The following SNRNP200 variants were observed in gnomAD, a reference collection of about 807,000 sequenced individuals.
SNRNP200 encodes the protein U5 small nuclear ribonucleoprotein 200 kDa helicase.
SNRNP200 carries 66 observed loss-of-function variants against 255.2 expected under a neutral mutation model. The ratio of observed to expected loss-of-function variants is 0.26; its 90% confidence interval spans 0.21 to 0.32. The LOEUF (loss-of-function observed/expected upper bound fraction) is 0.32. Among genes scored for constraint, SNRNP200 ranks in the 10% least tolerant of loss-of-function variants. The probability of loss-of-function intolerance (pLI) is 1.00; values close to 1 mark genes in which losing one functional copy is unlikely to be tolerated. For missense variants in SNRNP200, 1,585 were observed against 2,749.8 expected (o/e 0.58, Z 9.47); for synonymous variants, 939 against 1,027.8 (o/e 0.91, Z 1.65).
rs1476001782 is a variant in SNRNP200 at position 96,290,768 on chromosome 2, T to C, written c.2469A>G (p.Ala823=). Residue 823 remains alanine (A), a synonymous_variant, in exon 19 of 45, where the codon GCA becomes GCG. Coordinates refer to ENST00000323853, the MANE Select transcript of SNRNP200 (RefSeq NM_014014.5). The surrounding 1 kb of genome is among the most constrained non-coding windows in gnomAD (Gnocchi z 4.5). ...GGGTGCCTTTGATGATGACTGTATG[T>C]GCAGGGAGATTCACACCCCAAGCTA... ...ATLAWGVNLP[A]HTVIIKGTQV... The C allele has an allele frequency of 1.2e-6, 2 of 1,614,062 alleles. No individual in the cohort carries two copies. Among genetic ancestry groups the C allele is most frequent in the Non-Finnish European group, 1.7e-6 (2 of 1,180,040 alleles).
At chr2:96,302,714 G>A (rs749792967) in intron 3 of SNRNP200, among the ~76,000 whole-genome samples, 6 of 152,254 alleles carry the variant, frequency 3.9e-5, no homozygotes, top group Admixed American at 1.3e-4. Context: ...GCTATAAATC[G>A]AGGTTTCCAC....
In SNRNP200 at chr2:96,305,375, C is replaced by T. The variant is rs2063981367; in HGVS notation, c.45+18G>A. 3.1e-6 allele frequency: 5 copies of T among 1,614,028 alleles called. No individual in the cohort carries two copies. The highest frequency in any genetic ancestry group is 3.4e-6 in the Non-Finnish European group (4 of 1,180,032). ...TTGGACTCCTGAGCCTGGAATCCTTCCCCAAGACCAAACGCACCGCCTTGT... is the reference window on the plus strand; with the variant it reads ...TTGGACTCCTGAGCCTGGAATCCTTTCCCAAGACCAAACGCACCGCCTTGT... On this transcript the variant is annotated intron_variant, in intron 1 of 44. Transcript: ENST00000323853.
Position 96,305,456 on chromosome 2 carries a change from G to T in SNRNP200, c.-19C>A, listed in dbSNP as rs1357855576. 6.2e-7 allele frequency: 1 copy of T among 1,613,862 alleles called. No homozygotes were observed. The highest frequency in any genetic ancestry group is 8.5e-7 in the Non-Finnish European group (1 of 1,180,038). Reference sequence around the variant, plus strand: ...CCGCCATGGCCGCGGCTGCTCGGAGGCTTCAGACCACCACGCCTCCCTACC... The same window carrying T: ...CCGCCATGGCCGCGGCTGCTCGGAGTCTTCAGACCACCACGCCTCCCTACC... On this transcript the variant is annotated 5_prime_UTR_variant, in exon 1 of 45. Transcript: ENST00000323853.
chr2:96,297,073 A>G lies in SNRNP200; in HGVS notation c.1378-3T>C, dbSNP rs543102102. The G allele has an allele frequency of 5.6e-6, 9 of 1,614,200 alleles. No homozygotes were observed. Among genetic ancestry groups the G allele is most frequent in the African/African-American group, 1.3e-5 (1 of 75,052 alleles). ...AGCTTTTCCACTGGAAGCAGTTGCT[A>G]GAAGAAAAGAAGTGCCATCAATATC... On this transcript the variant is annotated splice_polypyrimidine_tract_variant and splice_region_variant and intron_variant, in intron 11 of 44. Transcript: ENST00000323853.
chr2:96,301,604 T>A lies in SNRNP200; in HGVS notation c.494A>T (p.Asp165Val). 2 of 1,614,196 alleles carry A rather than the reference T, an allele frequency of 1.2e-6. No homozygotes were observed. Among genetic ancestry groups the A allele is most frequent in the Non-Finnish European group, 1.7e-6 (2 of 1,180,044 alleles). The change falls in exon 4 of 45, where the codon GAT becomes GTT. Residue 165 changes from aspartate (D) to valine (V), a missense_variant. Asp to Val is a radical substitution (Grantham distance 152). Transcript: ENST00000323853. ...CACTAGCACATGGTATCTGGTATCA[T>A]CTGTTTGACCCAGCAGCAGGTCAAT... is the stretch of plus-strand genomic sequence containing the variant. The part of the protein sequence containing the change: ...KEIDLLLGQT[D>V]DTRYHVLVNL...
chr2:96,281,544 C>A, intron 35 of SNRNP200: 1 of 436,948 alleles, frequency 2.3e-6, no homozygotes, highest in South Asian at 2.0e-5. Context: ...TACAAGATGT[C>A]TGAGATTAAT....
intron 15 of SNRNP200, 32 bp downstream of exon 15, chr2:96,293,284 T>C (rs1400796560): frequency 2.5e-6 from 4 of 1,607,550 alleles, no homozygotes; most frequent in Non-Finnish European, 3.4e-6. Context: ...GATGGTCACC[T>C]TGGCAGAACT....
In SNRNP200 at chr2:96,275,296, G is replaced by A; in HGVS notation, c.6228C>T (p.Leu2076=). 1 of 1,614,114 alleles carries A rather than the reference G, an allele frequency of 6.2e-7. No individual in the cohort carries two copies. The highest frequency in any genetic ancestry group is 8.5e-7 in the Non-Finnish European group (1 of 1,180,032). Residue 2076 remains leucine (L), a synonymous_variant, in exon 44 of 45, where the codon CTC becomes CTT. Coordinates refer to ENST00000323853, the MANE Select transcript of SNRNP200 (RefSeq NM_014014.5). ...GCAAGGTCAGCCTCTTGATGGAGATGAGGCTATTGGACTTGGCATCTCCAA... is the reference window on the plus strand; with the variant it reads ...GCAAGGTCAGCCTCTTGATGGAGATAAGGCTATTGGACTTGGCATCTCCAA... ...VVIGDAKSNS[L]ISIKRLTLQQ... is the part of the protein sequence containing the mutation.
Position 96,295,575 on chromosome 2 carries a change from G to T in SNRNP200, c.1755C>A (p.Ile585=). ...CCCACTTCTCGGGGGTGCAGACGAT[G>T]ATCTGAGTGGCACTGATCTCTTCTT... ...LCKEEISATQ[I]IVCTPEKWDI... is the part of the protein sequence containing the mutation. The change falls in exon 14 of 45, where the codon ATC becomes ATA. Residue 585 remains isoleucine, a synonymous_variant. Coordinates refer to ENST00000323853, the MANE Select transcript of SNRNP200 (RefSeq NM_014014.5). The T allele has an allele frequency of 1.9e-6, 3 of 1,613,950 alleles. No homozygotes were observed. Among genetic ancestry groups the T allele is most frequent in the East Asian group, 2.2e-5 (1 of 44,860 alleles).
Position 96,291,904 on chromosome 2 carries a change from A to G in SNRNP200, c.2161-4T>C, listed in dbSNP as rs1302627833. On this transcript the variant is annotated splice_region_variant and splice_polypyrimidine_tract_variant and intron_variant, in intron 16 of 44. Coordinates refer to ENST00000323853, the MANE Select transcript of SNRNP200 (RefSeq NM_014014.5). The surrounding 1 kb of genome is among the most constrained non-coding windows in gnomAD (Gnocchi z 4.2). Reference sequence around the variant, plus strand: ...GGGAGTGGACAAACACCAGCACCTAAGGAGAAGCCACAGTTTGCTACAGTC... The same window carrying G: ...GGGAGTGGACAAACACCAGCACCTAGGGAGAAGCCACAGTTTGCTACAGTC... 12 of 1,613,738 alleles carry G rather than the reference A, an allele frequency of 7.4e-6. No homozygotes were observed. Among genetic ancestry groups the G allele is most frequent in the Non-Finnish European group, 1.0e-5 (12 of 1,180,034 alleles).
intron 2 of SNRNP200, among the ~76,000 whole-genome samples, chr2:96,303,661 A>G (rs1320352804): frequency 2.0e-5 from 3 of 152,194 alleles, no homozygotes; most frequent in African/African-American, 4.8e-5. Context: ...AGGCCAAGGC[A>G]GGCGGATCAC....
In SNRNP200 at chr2:96,287,504, A is replaced by G; in HGVS notation, c.3419T>C (p.Val1140Ala). ...GAAATTCTTCTTCTCAATCTTCTTCACTACTTCCTCAGGGAGTTTCCGGAA... is the reference window on the plus strand; with the variant it reads ...GAAATTCTTCTTCTCAATCTTCTTCGCTACTTCCTCAGGGAGTTTCCGGAA... ...RQFRKLPEEV[V>A]KKIEKKNFPF... Residue 1140 changes from valine to alanine, a missense_variant, in exon 26 of 45, where the codon GTG becomes GCG. Physicochemically the swap from Val to Ala is moderately conservative, Grantham distance 64. Transcript: ENST00000323853. This position sits in a 1 kb window ranked among gnomAD's most constrained non-coding sequence, Gnocchi z 5.7. The G allele has an allele frequency of 6.2e-7, 1 of 1,614,166 alleles. No individual in the cohort carries two copies. The highest frequency in any genetic ancestry group is 8.5e-7 in the Non-Finnish European group (1 of 1,180,020).
chr2:96,303,205 G>C lies in SNRNP200; in HGVS notation c.335C>G (p.Thr112Ser), dbSNP rs550172631. The stretch of plus-strand genomic sequence containing the variant: ...GATGAAGCTGAGTAGCACCTCATAG[G>C]TCTCCCGAGTCTCTTTAGTTTTGGG... Reference protein sequence around the residue: ...YKPKTKETRETYEVLLSFIQA... With the variant: ...YKPKTKETRESYEVLLSFIQA... The change falls in exon 3 of 45, where the codon ACC becomes AGC. Residue 112 changes from threonine (T) to serine (S), a missense_variant. This residue lies in a region of SNRNP200 where 383 missense variants were observed against 645.3 expected (regional missense o/e 0.59). Coordinates refer to ENST00000323853, the MANE Select transcript of SNRNP200 (RefSeq NM_014014.5). 1.2e-6 allele frequency: 2 copies of C among 1,614,174 alleles called. No homozygotes were observed. The highest frequency in any genetic ancestry group is 1.1e-5 in the South Asian group (1 of 91,074).
At chr2:96,276,711 C>T (rs550755866) in intron 43 of SNRNP200, 193 bp downstream of exon 43, 29 of 703,800 alleles carry the variant, frequency 4.1e-5, no homozygotes, top group Middle Eastern at 2.3e-4. Flanking sequence ...TGAGCCACTG[C>T]GCCCGGCCCT....
rs749837544 is a variant in SNRNP200 at position 96,283,134 on chromosome 2, C to T, written c.4915+67G>A. Reference sequence around the variant, plus strand: ...TGTAGAGAAAACACTGCCACCCGCACCCCTCAAGTTTAACACCACCACTTG... The same window carrying T: ...TGTAGAGAAAACACTGCCACCCGCATCCCTCAAGTTTAACACCACCACTTG... On this transcript the variant is annotated intron_variant, in intron 34 of 44. Transcript: ENST00000323853. The surrounding 1 kb of genome is among the most constrained non-coding windows in gnomAD (Gnocchi z 4.7). 1.3e-6 allele frequency: 2 copies of T among 1,591,350 alleles called. No homozygotes were observed. Among genetic ancestry groups the T allele is most frequent in the South Asian group, 1.1e-5 (1 of 90,634 alleles).
At chr2:96,295,729 A>G in intron 13 of SNRNP200, 71 bp from the exon 14 acceptor site, 2 of 1,546,210 alleles carry the variant, frequency 1.3e-6, no homozygotes, top group South Asian at 1.1e-5. Flanking sequence ...TGTTTGGGCA[A>G]TTGGAGTGTA....
chr2:96,297,621 T>A lies in SNRNP200; in HGVS notation c.1203+16A>T, dbSNP rs1257540468. 2 of 1,614,170 alleles carry A rather than the reference T, an allele frequency of 1.2e-6. No individual in the cohort carries two copies. The highest frequency in any genetic ancestry group is 8.5e-7 in the Non-Finnish European group (1 of 1,180,032). On this transcript the variant is annotated intron_variant, in intron 10 of 44. Transcript: ENST00000323853. The stretch of plus-strand genomic sequence containing the variant: ...CATCCATCAAGGCCTGGGAAATAAA[T>A]CGCCCTGGATCCTACCTCTCCACCC...
intron 5 of SNRNP200, among the ~76,000 whole-genome samples, 158 bp from the exon 6 acceptor site, chr2:96,299,585 G>T (rs1364896621): frequency 6.6e-6 from 1 of 152,146 alleles, no homozygotes; most frequent in African/African-American, 2.4e-5. Context: ...TTATTCCAGT[G>T]GACATAGAAT....
chr2:96,286,697 G>A lies in SNRNP200; in HGVS notation c.3820C>T (p.Arg1274Cys), dbSNP rs747634123. Residue 1274 changes from arginine (R) to cysteine (C), a missense_variant, in exon 28 of 45, where the codon CGC becomes TGC. Around this residue, in one of 9 missense-constraint regions of SNRNP200, gnomAD observed 719 missense variants for 1,091.1 expected, o/e 0.66. Coordinates refer to ENST00000323853, the MANE Select transcript of SNRNP200 (RefSeq NM_014014.5). This position sits in a 1 kb window ranked among gnomAD's most constrained non-coding sequence, Gnocchi z 4.8. Reference sequence around the variant, plus strand: ...GAGAGGAGACACTCACAGAGCCAGCGGTCAGACACCACTCGGATGAAGTAC... The same window carrying A: ...GAGAGGAGACACTCACAGAGCCAGCAGTCAGACACCACTCGGATGAAGTAC... ...PQYFIRVVSD[R>C]WLSCETQLPV... The A allele has an allele frequency of 1.1e-5, 18 of 1,613,450 alleles. No individual in the cohort carries two copies. In the Admixed American group the frequency reaches 1.2e-4, roughly 10 times the overall value.
Sources: gnomAD v4.1 joint callset for allele counts (sites outside exome capture counted in the v4.1 genomes callset) on GRCh38, gnomAD v4.1.1 for gene constraint, gnomAD v4.1.1 regional missense constraint, Gnocchi (gnomAD v3.1) non-coding constraint, MANE v1.5 for transcripts, NCBI Gene and HGNC (gene_info 2026-07-23, HGNC 2026-07-21) for gene names.